Variants in IGFL2 observed in about 807,000 individuals in gnomAD.
The protein encoded by IGFL2 is IGF like family member 2.
IGFL2 carries 7 observed loss-of-function variants against 13.9 expected under a neutral mutation model. That is an observed-to-expected ratio of 0.51 (90% confidence interval 0.29 to 0.95). The LOEUF (loss-of-function observed/expected upper bound fraction) is 0.95, where lower values mean the gene tolerates loss of function less well. Ranked by LOEUF, IGFL2 falls within the 40% of genes least tolerant of loss-of-function variation. The pLI, the probability that IGFL2 is intolerant of heterozygous loss-of-function variation, is 0.08. For missense variants in IGFL2, 138 were observed against 147.8 expected (o/e 0.93, Z 0.34); for synonymous variants, 55 against 55.8 (o/e 0.99, Z 0.07).
the IGFL2 span, among the ~76,000 whole-genome samples, chr19:46,171,596 C>G: frequency 6.6e-6 from 1 of 152,158 alleles, no homozygotes; most frequent in Non-Finnish European, 1.5e-5. Context: ...CCTTCTCTTC[C>G]TTGGACTCAG....
upstream of IGFL2, chr19:46,143,290 G>GTA (rs2146810343): frequency 6.6e-6 from 1 of 152,078 alleles, no homozygotes; most frequent in East Asian, 1.9e-4. Flanking sequence ...AGAATGTAGT[G>GTA]TATAACACAT....
chr19:46,201,813 G>A, the IGFL2 span, among the ~76,000 whole-genome samples: 1 of 152,152 alleles, frequency 6.6e-6, no homozygotes, highest in Non-Finnish European at 1.5e-5. Flanking sequence ...TGTAGTCCAG[G>A]AATAGTCAGG....
the IGFL2 span, among the ~76,000 whole-genome samples, chr19:46,105,468 G>T: frequency 6.6e-6 from 1 of 152,136 alleles, no homozygotes; most frequent in Non-Finnish European, 1.5e-5. Context: ...TGAGGAACAG[G>T]AAAGAAGGAA....
At chr19:46,166,511 C>T in the IGFL2 span, among the ~76,000 whole-genome samples, 1 of 152,164 alleles carries the variant, frequency 6.6e-6, no homozygotes, top group Non-Finnish European at 1.5e-5. Context: ...GTTTTAGGCA[C>T]CACTGTCATT....
At chr19:46,106,102 G>T in the IGFL2 span, among the ~76,000 whole-genome samples, 1 of 152,070 alleles carries the variant, frequency 6.6e-6, no homozygotes, top group African/African-American at 2.4e-5. Flanking sequence ...GAAAGGAGTT[G>T]TTGTTTGTAG....
chr19:46,133,580 T>C, the IGFL2 span, among the ~76,000 whole-genome samples: 1 of 152,252 alleles, frequency 6.6e-6, no homozygotes, highest in African/African-American at 2.4e-5. Context: ...TGCTTGGGCC[T>C]GTTCAGGCAT....
At chr19:46,104,667 C>T in the IGFL2 span, among the ~76,000 whole-genome samples, 6 of 152,098 alleles carry the variant, frequency 3.9e-5, no homozygotes, top group Admixed American at 2.6e-4. Context: ...GGGGCAAATC[C>T]CTGAGCTTGA....
the IGFL2 span, chr19:46,212,975 GCA>G: frequency 2.6e-5 from 4 of 152,314 alleles, no homozygotes; most frequent in African/African-American, 7.2e-5. Flanking sequence ...TGCCTGAGTC[GCA>G]CAGTCTCTCC....
chr19:46,179,225 G>C, the IGFL2 span, among the ~76,000 whole-genome samples: 1 of 151,702 alleles, frequency 6.6e-6, no homozygotes, highest in Non-Finnish European at 1.5e-5. Flanking sequence ...GCTGGTCATG[G>C]GGTGGGGAGT....
chr19:46,193,970 G>A, the IGFL2 span, among the ~76,000 whole-genome samples: 1 of 152,104 alleles, frequency 6.6e-6, no homozygotes, highest in African/African-American at 2.4e-5. Context: ...GCCATTTCTG[G>A]GAGCCTAGAA....
downstream of IGFL2, among the ~76,000 whole-genome samples, chr19:46,166,220 C>T (rs1011985099): frequency 6.6e-6 from 1 of 152,162 alleles, no homozygotes; most frequent in Non-Finnish European, 1.5e-5. Context: ...TCCTAAGCGT[C>T]AGCTGGCTTG....
the IGFL2 span, among the ~76,000 whole-genome samples, chr19:46,120,937 C>T: frequency 1.3e-5 from 2 of 150,600 alleles, no homozygotes; most frequent in African/African-American, 4.9e-5. Flanking sequence ...TATAATTTGT[C>T]AATTTAAATT....
the IGFL2 span, among the ~76,000 whole-genome samples, chr19:46,173,004 G>A: frequency 6.6e-6 from 1 of 152,184 alleles, no homozygotes; most frequent in Non-Finnish European, 1.5e-5. Context: ...AGAGCAAAAG[G>A]GGTTGTTAGT....
At chr19:46,196,218 C>G in the IGFL2 span, 2 of 234,048 alleles carry the variant, frequency 8.5e-6, no homozygotes, top group Non-Finnish European at 1.8e-5. Context: ...CACTCACTCC[C>G]CTCCAGCCAC....
At chr19:46,108,833 C>G in the IGFL2 span, among the ~76,000 whole-genome samples, 1 of 152,222 alleles carries the variant, frequency 6.6e-6, no homozygotes, top group East Asian at 1.9e-4. Flanking sequence ...AAACACGTCT[C>G]TTCTGTCTCT....
At chr19:46,169,635 G>A in the IGFL2 span, among the ~76,000 whole-genome samples, 1 of 152,070 alleles carries the variant, frequency 6.6e-6, no homozygotes, top group Non-Finnish European at 1.5e-5. Context: ...ATCACCTGAG[G>A]TCAGGAGTTC....
At chr19:46,178,176 C>T in the IGFL2 span, among the ~76,000 whole-genome samples, 1 of 152,070 alleles carries the variant, frequency 6.6e-6, no homozygotes, top group Non-Finnish European at 1.5e-5. Flanking sequence ...ACTCAGGAGG[C>T]TGAGGCAGGA....
the IGFL2 span, among the ~76,000 whole-genome samples, chr19:46,079,621 A>G: frequency 6.6e-6 from 1 of 152,146 alleles, no homozygotes; most frequent in Non-Finnish European, 1.5e-5. Context: ...CCTGTACCTG[A>G]ATGGCAGGTA....
the IGFL2 span, among the ~76,000 whole-genome samples, chr19:46,134,768 C>G: frequency 6.6e-6 from 1 of 152,084 alleles, no homozygotes; most frequent in Non-Finnish European, 1.5e-5. Context: ...GAAGCTCCAC[C>G]CACTAAGTCA....
Sources: allele counts gnomAD v4.1 joint callset (sites outside exome capture counted in the v4.1 genomes callset), GRCh38; gene constraint gnomAD v4.1.1; transcripts MANE v1.5; gene names NCBI Gene and HGNC (gene_info 2026-07-23, HGNC 2026-07-21).